The following CFAP61 variants were observed in gnomAD, a reference collection of about 807,000 sequenced individuals.
CFAP61 encodes cilia- and flagella-associated protein 61.
CFAP61 carries 107 observed loss-of-function variants against 135.6 expected under a neutral mutation model. The observed-to-expected ratio is 0.79, with a 90% confidence interval of 0.67 to 0.93. The LOEUF (loss-of-function observed/expected upper bound fraction) is 0.93. Among genes scored for constraint, CFAP61 ranks in the 40% least tolerant of loss-of-function variants. The probability of loss-of-function intolerance (pLI) is 0.00; values close to 1 mark genes in which losing one functional copy is unlikely to be tolerated. For missense variants in CFAP61, 1,507 were observed against 1,556.2 expected, an observed-to-expected ratio of 0.97 and a Z score of 0.53; for synonymous variants, 575 against 578.5, an observed-to-expected ratio of 0.99 and a Z score of 0.09.
intron 1 of CFAP61, among the ~76,000 whole-genome samples, chr20:20,053,162 A>G (rs1489507290): frequency 5.3e-5 from 8 of 152,246 alleles, no homozygotes; most frequent in Non-Finnish European, 1.2e-4. Context: ...ATTAAAGACA[A>G]ATGCTCAGTA....
At chr20:20,300,748 G>A (rs183901942) in intron 25 of CFAP61, among the ~76,000 whole-genome samples, 41 of 152,070 alleles carry the variant, frequency 2.7e-4, no homozygotes, top group African/African-American at 9.9e-4. Flanking sequence ...TGGGATTACA[G>A]GCACGTGCTA....
At chr20:20,264,124 A>T (rs73114410) in intron 21 of CFAP61, among the ~76,000 whole-genome samples, 3,398 of 152,306 alleles carry the variant, frequency 0.022, 67 homozygotes, top group Non-Finnish European at 0.035. Context: ...TCAACATTTT[A>T]AAATGAGTAT....
chr20:20,190,973 G>A (rs1392493090), intron 14 of CFAP61, among the ~76,000 whole-genome samples: 1 of 151,948 alleles, frequency 6.6e-6, no homozygotes, highest in Admixed American at 6.6e-5. Context: ...ACAAAAATTA[G>A]CTGAGCATGA....
chr20:20,320,080 C>T (rs1327423141), intron 25 of CFAP61, among the ~76,000 whole-genome samples: 1 of 151,516 alleles, frequency 6.6e-6, no homozygotes, highest in Admixed American at 6.6e-5. Context: ...AACTATGTGA[C>T]AAACAGCCTG....
chr20:20,162,236 A>G (rs12329525), intron 10 of CFAP61, among the ~76,000 whole-genome samples: 19,443 of 152,106 alleles, frequency 0.13, 1,416 homozygotes, highest in Non-Finnish European at 0.15. Context: ...GCCCACCCGG[A>G]TCATCTAGGA....
chr20:20,205,886 C>G (rs1008863096), intron 17 of CFAP61, among the ~76,000 whole-genome samples: 1 of 152,126 alleles, frequency 6.6e-6, no homozygotes, highest in Non-Finnish European at 1.5e-5. Flanking sequence ...AATTATGATC[C>G]CATATGGAGG....
intron 19 of CFAP61, among the ~76,000 whole-genome samples, chr20:20,247,657 T>C (rs980360759): frequency 6.6e-6 from 1 of 152,260 alleles, no homozygotes; most frequent in African/African-American, 2.4e-5. Context: ...TTCATCATCG[T>C]AGAACGTGCT....
chr20:20,121,760 C>G (rs936379099), intron 8 of CFAP61, among the ~76,000 whole-genome samples: 1 of 152,180 alleles, frequency 6.6e-6, no homozygotes, highest in Non-Finnish European at 1.5e-5. Flanking sequence ...TTCCAAAATG[C>G]TGGGATTATA....
At chr20:20,146,638 T>C (rs1171891564) in intron 9 of CFAP61, among the ~76,000 whole-genome samples, 1 of 152,232 alleles carries the variant, frequency 6.6e-6, no homozygotes, top group Non-Finnish European at 1.5e-5. Flanking sequence ...TTATATAATA[T>C]TGTAACTTGC....
Position 20,090,855 on chromosome 20 carries a change from A to T in CFAP61, c.578A>T (p.His193Leu), listed in dbSNP as rs184033073. 2.0e-5 allele frequency: 33 copies of T among 1,614,064 alleles called. No homozygotes were observed. Among genetic ancestry groups the T allele is most frequent in the Non-Finnish European group, 2.8e-5 (33 of 1,180,024 alleles). Residue 193 changes from histidine (H) to leucine (L), a missense_variant, in exon 7 of 27, where the codon CAT (histidine) becomes CTT (leucine). Coordinates refer to ENST00000245957, the MANE Select transcript of CFAP61 (RefSeq NM_015585.4). The part of the protein sequence containing the change: ...LHVRKARVED[H>L]DDLMPIFMRY... ...TTTCTATTAAACAGGGTGGAAGACC[A>T]TGACGATCTCATGCCAATATTTATG... is the stretch of plus-strand genomic sequence containing the variant.
chr20:20,064,432 C>G lies in CFAP61; in HGVS notation c.144-6422C>G, dbSNP rs575832073. Among the ~76,000 whole-genome samples the G allele has an allele frequency of 1.2e-4, 18 of 152,226 alleles. No individual in the cohort carries two copies. The South Asian group carries it at 3.5e-3, about 30-fold the overall frequency. On this transcript the variant is annotated intron_variant, in intron 2 of 26. Transcript: ENST00000245957. ...TGTCTGAATTACCAGCGTCACTACT[C>G]TTGCACTTTGAACCAAAGCACTGTG...
At chr20:20,153,584 C>A (rs2052633114) in intron 9 of CFAP61, among the ~76,000 whole-genome samples, 1 of 152,068 alleles carries the variant, frequency 6.6e-6, no homozygotes, top group Non-Finnish European at 1.5e-5. Flanking sequence ...CTGTGAACAC[C>A]TTTAGGTGCA....
At position 20,277,045 on chromosome 20, in the gene CFAP61, G is replaced by A. The variant is rs539593539; in HGVS notation, c.2504-121G>A. 238 of 728,244 alleles carry A rather than the reference G, an allele frequency of 3.3e-4. No homozygotes were observed. The African/African-American group carries it at 4.0e-3, about 12-fold the overall frequency. The allele number at this position is 728,244 out of a possible 1,614,324, so 45.1% of individuals were successfully genotyped here. On this transcript the variant is annotated intron_variant, in intron 21 of 26. Transcript: ENST00000245957. ...TTGGTCGCCGTTGCTAGGTAACACC[G>A]CTGGCTTCCTGCAGCTGAAAAATGA...
intron 25 of CFAP61, among the ~76,000 whole-genome samples, chr20:20,338,222 A>C (rs577172490): frequency 1.8e-4 from 28 of 152,288 alleles, no homozygotes; most frequent in Non-Finnish European, 3.5e-4. Context: ...TCTTAGAAGG[A>C]GAACAGTCTG....
chr20:20,316,353 T>C (rs2057138999), intron 25 of CFAP61, among the ~76,000 whole-genome samples: 1 of 151,848 alleles, frequency 6.6e-6, no homozygotes, highest in African/African-American at 2.4e-5. Context: ...CTGTTGTTGG[T>C]ATATAAGAAT....
chr20:20,312,209 A>G (rs867195942), intron 25 of CFAP61, among the ~76,000 whole-genome samples: 40 of 152,238 alleles, frequency 2.6e-4, no homozygotes, highest in African/African-American at 8.4e-4. Context: ...AAACCAACCC[A>G]GAACTGACTC....
intron 22 of CFAP61, among the ~76,000 whole-genome samples, chr20:20,279,745 C>T (rs2054045891): frequency 6.6e-6 from 1 of 152,188 alleles, no homozygotes; most frequent in Non-Finnish European, 1.5e-5. Flanking sequence ...CAGACATTGG[C>T]TTGTTTGCTG....
intron 17 of CFAP61, chr20:20,220,344 A>G (rs746034625): frequency 6.6e-6 from 1 of 152,216 alleles, no homozygotes; most frequent in Non-Finnish European, 1.5e-5. Flanking sequence ...GCAGCTGGCT[A>G]TTTCTGAGCC....
chr20:20,163,071 C>T (rs2053533429), intron 10 of CFAP61, among the ~76,000 whole-genome samples: 1 of 152,032 alleles, frequency 6.6e-6, no homozygotes, highest in Non-Finnish European at 1.5e-5. Context: ...TAAATATATA[C>T]CCAAATAAAT....
Sources: gnomAD v4.1 joint callset for allele counts (sites outside exome capture counted in the v4.1 genomes callset) on GRCh38, gnomAD v4.1.1 for gene constraint, MANE v1.5 for transcripts, NCBI Gene and HGNC (gene_info 2026-07-23, HGNC 2026-07-21) for gene names.